The following SNTG1 variants were observed in gnomAD, a reference collection of about 807,000 sequenced individuals.
The protein encoded by SNTG1 is syntrophin gamma 1.
SNTG1 carries 39 observed loss-of-function variants against 74.7 expected under a neutral mutation model. The ratio of observed to expected loss-of-function variants is 0.52; its 90% confidence interval spans 0.40 to 0.68. The LOEUF (loss-of-function observed/expected upper bound fraction) is 0.68. SNTG1 is among the 30% of genes least tolerant of loss of function. The pLI is 0.00. For synonymous variants in SNTG1, 254 were observed against 217.1 expected (o/e 1.17, Z -1.49); for missense variants, 685 against 609.5 (o/e 1.12, Z -1.30).
rs192149210 is a variant in SNTG1, at chr8:50,098,786, A to G, written c.-102-73775A>G. On this transcript the variant is annotated intron_variant, in intron 1 of 18. Coordinates refer to ENST00000642720, the MANE Select transcript of SNTG1 (RefSeq NM_018967.5). ...TTTGCAAGTGATTTAACATGAATAT[A>G]TACAGTCATTTATTCCTTAGGCAGG... is the stretch of plus-strand genomic sequence containing the variant. Among the ~76,000 whole-genome samples, 349 of 152,316 alleles carry G rather than the reference A, an allele frequency of 2.3e-3. 4 individuals carry two copies. Among genetic ancestry groups the G allele is most frequent in the Non-Finnish European group, 5.9e-4 (40 of 68,020 alleles).
chr8:50,790,377 T>A (rs12056595), intron 18 of SNTG1, among the ~76,000 whole-genome samples: 1 of 151,936 alleles, frequency 6.6e-6, no homozygotes, highest in South Asian at 2.1e-4. Flanking sequence ...AGCTTATATT[T>A]AGTGATATCT....
At chr8:50,652,681 C>T (rs73569407) in intron 13 of SNTG1, among the ~76,000 whole-genome samples, 8,685 of 151,936 alleles carry the variant, frequency 0.057, 810 homozygotes, top group African/African-American at 0.2. Context: ...CCTTTAGTCC[C>T]GGTTACTCGG....
At chr8:50,160,330 A>G (rs1197253066) in intron 1 of SNTG1, among the ~76,000 whole-genome samples, 1 of 152,186 alleles carries the variant, frequency 6.6e-6, no homozygotes, top group Non-Finnish European at 1.5e-5. Context: ...TATAAACAAT[A>G]TCTCTTCTAA....
chr8:50,670,185 T>C (rs1383309130), intron 15 of SNTG1, among the ~76,000 whole-genome samples: 1 of 152,202 alleles, frequency 6.6e-6, no homozygotes, highest in African/African-American at 2.4e-5. Context: ...TTGGAAGTTC[T>C]GGCCAGGGCG....
At chr8:50,660,418 G>T (rs894791932) in intron 15 of SNTG1, among the ~76,000 whole-genome samples, 5 of 11,964 alleles carry the variant, frequency 4.2e-4, no homozygotes, top group South Asian at 2.3e-3. Context: ...AGAAAAGAAA[G>T]AAAGAAAGAA....
chr8:50,714,524 T>A (rs1585621868), intron 17 of SNTG1, among the ~76,000 whole-genome samples: 4 of 152,272 alleles, frequency 2.6e-5, no homozygotes, highest in Admixed American at 2.6e-4. Context: ...TTGACTTTCT[T>A]CACAGAATCA....
intron 2 of SNTG1, among the ~76,000 whole-genome samples, chr8:50,275,042 C>A (rs1206429843): frequency 2.6e-5 from 4 of 151,536 alleles, no homozygotes; most frequent in African/African-American, 7.3e-5. Flanking sequence ...TTTTATAATT[C>A]TTTATCTGGT....
At chr8:50,137,938 C>T (rs2081529278) in intron 1 of SNTG1, among the ~76,000 whole-genome samples, 1 of 152,172 alleles carries the variant, frequency 6.6e-6, no homozygotes, top group Non-Finnish European at 1.5e-5. Context: ...CATGCCTCAT[C>T]TCCTGGGCTA....
chr8:49,972,757 G>GA (rs1319146232), intron 1 of SNTG1, among the ~76,000 whole-genome samples: 6 of 152,018 alleles, frequency 3.9e-5, no homozygotes, highest in African/African-American at 1.2e-4. Context: ...AAAATACAGT[G>GA]AAAAAATGCT....
chr8:50,370,784 G>A (rs866485262), intron 2 of SNTG1, among the ~76,000 whole-genome samples: 11 of 151,998 alleles, frequency 7.2e-5, no homozygotes, highest in African/African-American at 2.7e-4. Context: ...ATGAGGAGGT[G>A]CACTACACTC....
chr8:50,796,603 A>G lies in SNTG1; in HGVS notation c.*3774A>G, dbSNP rs1355394146. Reference sequence around the variant, plus strand: ...ATCTGTGACAAAAATTTGTCACTTCATTCTTTCAGTTCATTAATGTACTAC... The same window carrying G: ...ATCTGTGACAAAAATTTGTCACTTCGTTCTTTCAGTTCATTAATGTACTAC... On this transcript the variant is annotated 3_prime_UTR_variant, in exon 19 of 19. Transcript: ENST00000642720. The G allele has an allele frequency of 6.6e-6, 1 of 152,002 alleles. No individual in the cohort carries two copies. The highest frequency in any genetic ancestry group is 1.5e-5 in the Non-Finnish European group (1 of 67,934). The allele number at this position is 152,002 out of a possible 1,614,324, so 9.4% of individuals were successfully genotyped here. A position where few individuals can be genotyped will look rare whatever the true frequency, so the allele number is the denominator to read the frequency against.
intron 8 of SNTG1, among the ~76,000 whole-genome samples, chr8:50,470,762 G>C (rs975469501): frequency 4.6e-5 from 7 of 152,188 alleles, no homozygotes; most frequent in African/African-American, 1.7e-4. Context: ...CGGACCCAAA[G>C]AGTGAGCAGC....
intron 8 of SNTG1, among the ~76,000 whole-genome samples, chr8:50,469,833 G>T (rs1456691586): frequency 6.6e-6 from 1 of 152,092 alleles, no homozygotes; most frequent in Non-Finnish European, 1.5e-5. Context: ...ACAAAAATTA[G>T]CCAGGCGTGG....
intron 2 of SNTG1, among the ~76,000 whole-genome samples, chr8:50,195,687 G>T (rs1018556017): frequency 3.4e-4 from 51 of 152,168 alleles, no homozygotes; most frequent in Non-Finnish European, 8.8e-5. Flanking sequence ...AAGTCAGAAA[G>T]GTCTCCCGCA....
rs557562563 is a variant in SNTG1, at chr8:50,289,878, C to T, written c.-27-104334C>T. ...CTTCCTTTGGGATGTCTGTTTTTCC[C>T]CTTTTATAGCAAGGGAATGCACGGA... On this transcript the variant is annotated intron_variant, in intron 2 of 18. Transcript: ENST00000642720. Among the ~76,000 whole-genome samples, 15 of 152,134 alleles carry T rather than the reference C, an allele frequency of 9.9e-5. No individual in the cohort carries two copies. In the East Asian group the frequency reaches 1.7e-3, roughly 18 times the overall value.
intron 1 of SNTG1, among the ~76,000 whole-genome samples, chr8:50,138,410 G>A (rs1243179475): frequency 1.3e-5 from 2 of 151,800 alleles, no homozygotes; most frequent in Non-Finnish European, 2.9e-5. Flanking sequence ...CCGAGGTCAG[G>A]AGTTCAATAC....
Position 50,448,952 on chromosome 8 carries a change from C to T in SNTG1, c.220-716C>T, listed in dbSNP as rs183384603. Among the ~76,000 whole-genome samples, 114 of 152,144 alleles carry T rather than the reference C, an allele frequency of 7.5e-4. No homozygotes were observed. In the East Asian group the frequency reaches 0.019, roughly 25 times the overall value. ...CTGAGGCAGGAGGATGGCGTGAACC[C>T]GGCAGGTGGAGGTTGCAGTGAGCCA... is the stretch of plus-strand genomic sequence containing the variant. On this transcript the variant is annotated intron_variant, in intron 5 of 18. Coordinates refer to ENST00000642720, the MANE Select transcript of SNTG1 (RefSeq NM_018967.5).
intron 8 of SNTG1, 69 bp downstream of exon 8, chr8:50,450,798 G>A (rs2093449624): frequency 1.4e-6 from 2 of 1,445,906 alleles, no homozygotes; most frequent in Non-Finnish European, 1.9e-6. Context: ...CATTGCTAAA[G>A]ACTGTCACTT....
chr8:49,943,844 T>C (rs1042203653), intron 1 of SNTG1, among the ~76,000 whole-genome samples: 1 of 152,234 alleles, frequency 6.6e-6, no homozygotes, highest in African/African-American at 2.4e-5. Context: ...TCAATAAATA[T>C]ATTTTAGTAC....
Sources: allele counts gnomAD v4.1 joint callset (sites outside exome capture counted in the v4.1 genomes callset), GRCh38; gene constraint gnomAD v4.1.1; transcripts MANE v1.5; gene names NCBI Gene and HGNC (gene_info 2026-07-23, HGNC 2026-07-21).